Variants in ARHGAP39 observed in about 807,000 individuals in gnomAD.
The protein encoded by ARHGAP39 is rho GTPase-activating protein 39.
Under a neutral mutation model 106.9 loss-of-function variants are expected in ARHGAP39, and 44 were observed. That is an observed-to-expected ratio of 0.41 (90% CI 0.32 to 0.53). The LOEUF (loss-of-function observed/expected upper bound fraction) is 0.53, where lower values mean the gene tolerates loss of function less well. Among genes scored for constraint, ARHGAP39 ranks in the 20% least tolerant of loss-of-function variants. ARHGAP39 has a pLI of 0.21. For missense variants in ARHGAP39, 1,496 were observed against 1,577.3 expected (o/e 0.95, Z 0.87); for synonymous variants, 768 against 693.2 (o/e 1.11, Z -1.69).
intron 1 of ARHGAP39, among the ~76,000 whole-genome samples, chr8:144,658,417 G>A (rs1209391040): frequency 6.6e-6 from 1 of 152,170 alleles, no homozygotes; most frequent in Non-Finnish European, 1.5e-5. Flanking sequence ...TGGGATTACA[G>A]GCATGTGCCA....
Position 144,579,583 on chromosome 8 carries a change from T to C in ARHGAP39, c.512+1263A>G, listed in dbSNP as rs189698964. 1.5e-3 allele frequency among the ~76,000 whole-genome samples: 225 copies of C among 152,234 alleles called. 1 individual carries two copies. The highest frequency in any genetic ancestry group is 5.2e-3 in the African/African-American group (217 of 41,544). On this transcript the variant is annotated intron_variant, in intron 3 of 11. Transcript: ENST00000377307. ...CCCACTCTGCAGCAGGCCCCATCCC[T>C]GGCCTCCCTTTCATCCTGCCAGACC...
intron 3 of ARHGAP39, among the ~76,000 whole-genome samples, chr8:144,564,703 G>T (rs1564850674): frequency 6.6e-6 from 1 of 152,044 alleles, no homozygotes; most frequent in Non-Finnish European, 1.5e-5. Context: ...CACTGGGGCT[G>T]GGCATGGAGA....
At chr8:144,542,363 G>A (rs776245532) in intron 6 of ARHGAP39, among the ~76,000 whole-genome samples, 2 of 152,156 alleles carry the variant, frequency 1.3e-5, no homozygotes, top group Non-Finnish European at 2.9e-5. Flanking sequence ...ACCACACAGT[G>A]CAGGTCACGC....
At chr8:144,635,437 G>A (rs1821149947) in intron 1 of ARHGAP39, among the ~76,000 whole-genome samples, 1 of 152,170 alleles carries the variant, frequency 6.6e-6, no homozygotes, top group African/African-American at 2.4e-5. Context: ...GAAGTTCCAG[G>A]CCCTTTCCCC....
At chr8:144,530,644 A>AGGGGGGGGGGGGGGGGG (rs1586866084) in intron 11 of ARHGAP39, 28 bp from the exon 12 acceptor site, 3 of 189,530 alleles carry the variant, frequency 1.6e-5, no homozygotes, top group Non-Finnish European at 2.1e-5. Context: ...GTGGGCGCGG[A>AGGGGGGGGGGGGGGGGG]GGGGCGGGGG....
chr8:144,662,050 A>T (rs1171221596), intron 1 of ARHGAP39, among the ~76,000 whole-genome samples: 1 of 144,760 alleles, frequency 6.9e-6, no homozygotes, highest in East Asian at 2.1e-4. Flanking sequence ...ACATCCCATT[A>T]TCTGCCTTGG....
chr8:144,579,256 C>T (rs1738919464), intron 3 of ARHGAP39, among the ~76,000 whole-genome samples: 1 of 148,670 alleles, frequency 6.7e-6, no homozygotes, highest in African/African-American at 2.5e-5. Flanking sequence ...AGTCATTAGT[C>T]ATTAAGGAAA....
intron 6 of ARHGAP39, among the ~76,000 whole-genome samples, chr8:144,538,819 C>T (rs1327571183): frequency 6.6e-6 from 1 of 152,092 alleles, no homozygotes; most frequent in Non-Finnish European, 1.5e-5. Flanking sequence ...GATCCACCCA[C>T]CTCGGCCTCC....
intron 2 of ARHGAP39, among the ~76,000 whole-genome samples, chr8:144,590,962 C>G (rs1451590434): frequency 6.6e-6 from 1 of 152,206 alleles, no homozygotes; most frequent in Non-Finnish European, 1.5e-5. Flanking sequence ...ATGGAAGAAA[C>G]TCCCAAAACT....
chr8:144,606,748 A>G (rs1210784145), intron 1 of ARHGAP39, among the ~76,000 whole-genome samples: 1 of 152,150 alleles, frequency 6.6e-6, no homozygotes, highest in Non-Finnish European at 1.5e-5. Flanking sequence ...AAGTGTGAAA[A>G]AAATGAACCT....
At chr8:144,653,196 T>C (rs1221213001) in intron 1 of ARHGAP39, among the ~76,000 whole-genome samples, 1 of 152,128 alleles carries the variant, frequency 6.6e-6, no homozygotes, top group Non-Finnish European at 1.5e-5. Context: ...CTCAGGAGAC[T>C]GAGGCAGGAA....
Position 144,619,243 on chromosome 8 carries a change from C to T in ARHGAP39, c.-81-13548G>A, listed in dbSNP as rs183924307. Among the ~76,000 whole-genome samples the T allele has an allele frequency of 2.0e-3, 311 of 152,358 alleles. 1 individual carries two copies. Among genetic ancestry groups the T allele is most frequent in the Non-Finnish European group, 2.7e-3 (187 of 68,032 alleles). The stretch of plus-strand genomic sequence containing the variant: ...ACAGGGTCTGCTGGGAAAGCAAGCG[C>T]GGAAACAGCATCTGCCTGGGCTGGC... On this transcript the variant is annotated intron_variant, in intron 1 of 11. Coordinates refer to ENST00000377307, the MANE Select transcript of ARHGAP39 (RefSeq NM_025251.3).
intron 2 of ARHGAP39, among the ~76,000 whole-genome samples, chr8:144,597,573 G>C (rs1819669024): frequency 6.6e-6 from 1 of 152,200 alleles, no homozygotes; most frequent in African/African-American, 2.4e-5. Flanking sequence ...TTGAGGATGG[G>C]GGCAGGGGGC....
Position 144,665,463 on chromosome 8 carries a change from A to AGACCTTCATGGCAGC in ARHGAP39, c.-82+20208_-82+20222dup, listed in dbSNP as rs374501894. On this transcript the variant is annotated intron_variant, in intron 1 of 11. Transcript: ENST00000377307. Reference sequence around the variant, plus strand: ...GGAAAATGTCGCCAGGCCATGTCAGAGACCTTCATGGCAGCCCCTGCCACC... The same window carrying AGACCTTCATGGCAGC: ...GGAAAATGTCGCCAGGCCATGTCAGAGACCTTCATGGCAGCGACCTTCATGGCAGCCCCTGCCACC... Among the ~76,000 whole-genome samples the AGACCTTCATGGCAGC allele has an allele frequency of 4.2e-3, 646 of 152,350 alleles. 5 individuals are homozygous for AGACCTTCATGGCAGC. Among genetic ancestry groups the AGACCTTCATGGCAGC allele is most frequent in the African/African-American group, 0.015 (605 of 41,574 alleles).
intron 1 of ARHGAP39, among the ~76,000 whole-genome samples, chr8:144,619,764 C>T (rs1820740563): frequency 7.4e-6 from 1 of 134,592 alleles, no homozygotes; most frequent in African/African-American, 2.8e-5. Flanking sequence ...CAGTGTGTGC[C>T]CGTGTGTGTG....
chr8:144,688,981 G>A (rs1822689815), upstream of ARHGAP39, among the ~76,000 whole-genome samples: 1 of 152,226 alleles, frequency 6.6e-6, no homozygotes, highest in African/African-American at 2.4e-5. Flanking sequence ...ATTAAGGTCT[G>A]CTCCTGAGCC....
rs1342343668 is a variant in ARHGAP39 at position 144,684,489 on chromosome 8, T to C, written c.-82+1197A>G. On this transcript the variant is annotated intron_variant, in intron 1 of 11. Transcript: ENST00000377307. This position sits in a 1 kb window ranked among gnomAD's most constrained non-coding sequence, Gnocchi z 4.4. ...ACCACTGTAGGTTTTTCAGCAGAGG[T>C]CACTGGAGGTCTGGTTAAACCCGTA... Among the ~76,000 whole-genome samples, 2 of 152,124 alleles carry C rather than the reference T, an allele frequency of 1.3e-5. No homozygotes were observed. Among genetic ancestry groups the C allele is most frequent in the East Asian group, 3.9e-4 (2 of 5,168 alleles).
intron 7 of ARHGAP39, 105 bp downstream of exon 7, chr8:144,537,616 T>TAC: frequency 1.8e-6 from 1 of 570,186 alleles, no homozygotes; most frequent in Non-Finnish European, 3.1e-6. Flanking sequence ...AGTGGCCCCA[T>TAC]CCCCCCCGCC....
chr8:144,665,068 G>A (rs577681678), intron 1 of ARHGAP39, among the ~76,000 whole-genome samples: 3 of 152,232 alleles, frequency 2.0e-5, no homozygotes, highest in Non-Finnish European at 4.4e-5. Flanking sequence ...GGTCCAGGCT[G>A]AGGTGGTCTC....
Sources: allele counts gnomAD v4.1 joint callset (sites outside exome capture counted in the v4.1 genomes callset), GRCh38; gene constraint gnomAD v4.1.1; non-coding constraint Gnocchi (gnomAD v3.1); transcripts MANE v1.5; gene names NCBI Gene and HGNC (gene_info 2026-07-23, HGNC 2026-07-21).